Variants in PTPRA observed in about 807,000 individuals in gnomAD.
The protein encoded by PTPRA is receptor-type tyrosine-protein phosphatase alpha.
In PTPRA, 25 loss-of-function variants were observed where a neutral mutation model predicts 104.8. The ratio of observed to expected loss-of-function variants is 0.24; its 90% CI spans 0.17 to 0.33. PTPRA has a LOEUF of 0.33. Among genes scored for constraint, PTPRA ranks in the 10% least tolerant of loss-of-function variants. PTPRA has a pLI of 1.00. For synonymous variants in PTPRA, 323 were observed against 368.9 expected, an observed-to-expected ratio of 0.88 and a Z score of 1.43; for missense variants, 765 against 1,015.3, an observed-to-expected ratio of 0.75 and a Z score of 3.35.
chr20:2,900,391 C>G (rs769015456), intron 1 of PTPRA, among the ~76,000 whole-genome samples: 3 of 152,146 alleles, frequency 2.0e-5, no homozygotes, highest in Non-Finnish European at 2.9e-5. Flanking sequence ...CCCAGCCCCA[C>G]TGAATGAGCT....
At chr20:2,968,668 C>A (rs1405195778) in intron 5 of PTPRA, among the ~76,000 whole-genome samples, 1 of 152,154 alleles carries the variant, frequency 6.6e-6, no homozygotes, top group East Asian at 1.9e-4. Context: ...AATTCCAGCA[C>A]TTTGGGAGGC....
At chr20:2,871,020 T>C, upstream of PTPRA, among the ~76,000 whole-genome samples, 1 of 152,156 alleles carries the variant, frequency 6.6e-6, no homozygotes, top group East Asian at 1.9e-4. Context: ...TGGGCAGGTC[T>C]CTACAGGCAG....
Position 2,975,241 on chromosome 20 carries a change from G to C in PTPRA, c.442G>C (p.Asp148His). 10 of 1,595,806 alleles carry C rather than the reference G, an allele frequency of 6.3e-6. No homozygotes were observed. Among genetic ancestry groups the C allele is most frequent in the Non-Finnish European group, 7.7e-6 (9 of 1,165,174 alleles). The stretch of plus-strand genomic sequence containing the variant: ...TAATTCTGACTCGAAGGACAGAAGA[G>C]GTGAGCTGCTCACCTTATATCTGTT... ...SGNSDSKDRR[D>H]ETPIIAVMVA... The change falls in exon 6 of 24, where the codon GAT (aspartate) becomes CAT (histidine). Residue 148 changes from aspartate (D) to histidine (H), a missense_variant and splice_region_variant. Around this residue, in one of 4 missense-constraint regions of PTPRA, gnomAD observed 256 missense variants for 248.9 expected, o/e 1.03. Coordinates refer to ENST00000399903, the MANE Select transcript of PTPRA (RefSeq NM_001385305.1).
At chr20:3,017,467 A>G (rs2064523482) in intron 12 of PTPRA, among the ~76,000 whole-genome samples, 1 of 152,196 alleles carries the variant, frequency 6.6e-6, no homozygotes, top group Non-Finnish European at 1.5e-5. Flanking sequence ...GAAGGAGTAA[A>G]TGCCATATGA....
rs541823113 is a variant in PTPRA at position 2,939,942 on chromosome 20, A to G, written c.-49-8040A>G. Among the ~76,000 whole-genome samples, 7 of 152,314 alleles carry G rather than the reference A, an allele frequency of 4.6e-5. No homozygotes were observed. The East Asian group carries it at 1.3e-3, about 29-fold the overall frequency. On this transcript the variant is annotated intron_variant, in intron 2 of 23. Coordinates refer to ENST00000399903, the MANE Select transcript of PTPRA (RefSeq NM_001385305.1). ...GCCAACATGGTGAAACCCCGTCTCT[A>G]CTAAAAATACAAAAAAAATTAGCCG...
intron 11 of PTPRA, among the ~76,000 whole-genome samples, chr20:3,008,700 G>A (rs1432266786): frequency 7.3e-6 from 1 of 137,894 alleles, no homozygotes; most frequent in Non-Finnish European, 1.5e-5. Context: ...AGACCAGCCT[G>A]ACCAAGATGG....
At chr20:2,942,757 GCTA>G (rs1225040592) in intron 2 of PTPRA, among the ~76,000 whole-genome samples, 2 of 150,574 alleles carry the variant, frequency 1.3e-5, no homozygotes, top group African/African-American at 4.9e-5. Flanking sequence ...ATATAATGTG[GCTA>G]CTACCTAGTA....
At chr20:3,007,233 C>T (rs932595360) in intron 10 of PTPRA, 111 bp from the exon 11 acceptor site, 1 of 1,001,496 alleles carries the variant, frequency 1.0e-6, no homozygotes, top group Non-Finnish European at 1.5e-6. Flanking sequence ...CATCTTTATA[C>T]AAGCGTGAGT....
At chr20:2,995,421 A>G (rs2063359090) in intron 9 of PTPRA, among the ~76,000 whole-genome samples, 1 of 152,042 alleles carries the variant, frequency 6.6e-6, no homozygotes, top group South Asian at 2.1e-4. Flanking sequence ...CCTGGCCAGC[A>G]TTTTACTTTT....
intron 1 of PTPRA, among the ~76,000 whole-genome samples, chr20:2,881,673 G>C (rs2090058623): frequency 6.6e-6 from 1 of 152,122 alleles, no homozygotes. Flanking sequence ...GAACCACCAT[G>C]CCTGGCCAGT....
intron 5 of PTPRA, among the ~76,000 whole-genome samples, chr20:2,965,749 A>T (rs1027026158): frequency 6.6e-6 from 1 of 152,220 alleles, no homozygotes. Context: ...CAGGGGTGGC[A>T]TCAGGCTCTG....
intron 6 of PTPRA, among the ~76,000 whole-genome samples, chr20:2,979,194 G>A (rs2148061439): frequency 6.6e-6 from 1 of 152,230 alleles, no homozygotes; most frequent in African/African-American, 2.4e-5. Flanking sequence ...TGGTTCGTTG[G>A]TTGATTTCAA....
chr20:2,888,703 C>T (rs2058689038), intron 1 of PTPRA, among the ~76,000 whole-genome samples: 1 of 151,986 alleles, frequency 6.6e-6, no homozygotes. Context: ...AGGTAGTTTT[C>T]TCTCCCCCTG....
intron 11 of PTPRA, among the ~76,000 whole-genome samples, chr20:3,008,728 T>TAAAAAAA (rs763235190): frequency 1.6e-5 from 1 of 63,670 alleles, no homozygotes; most frequent in African/African-American, 4.9e-5. Context: ...TCATCTCTAC[T>TAAAAAAA]AAAAAAAAAA....
chr20:2,886,580 C>T (rs1193840959), intron 1 of PTPRA, among the ~76,000 whole-genome samples: 3 of 151,842 alleles, frequency 2.0e-5, no homozygotes, highest in Non-Finnish European at 4.4e-5. Context: ...CACGGTGACT[C>T]ACACCTGTAA....
At chr20:2,983,380 G>A (rs2062766733) in intron 6 of PTPRA, among the ~76,000 whole-genome samples, 1 of 152,086 alleles carries the variant, frequency 6.6e-6, no homozygotes, top group African/African-American at 2.4e-5. Flanking sequence ...AGGATAAGGA[G>A]ATTAGATTTC....
chr20:2,909,304 ACAAAACAGGCCTGGTGCGGTGG>A (rs1282822328), intron 1 of PTPRA, among the ~76,000 whole-genome samples: 1 of 152,042 alleles, frequency 6.6e-6, no homozygotes, highest in African/African-American at 2.4e-5. Context: ...ACAAAACAAA[ACAAAACAGGCCTGGTGCGGTGG>A]CTCATGCTTG....
At position 2,965,036 on chromosome 20, in the gene PTPRA, C is replaced by T. The variant is rs1357262893; in HGVS notation, c.249C>T (p.Asp83=). 1 of 1,614,010 alleles carries T rather than the reference C, an allele frequency of 6.2e-7. No homozygotes were observed. The highest frequency in any genetic ancestry group is 1.3e-5 in the African/African-American group (1 of 74,910). ...ATTTAACCACTGTCAATTCTTCAGA[C>T]TCTGACAATGGGACCACAAGAACAG... The part of the protein sequence containing the change: ...PTYLTTVNSS[D]SDNGTTRTAS... The change falls in exon 5 of 24, where the codon GAC becomes GAT. Residue 83 remains aspartate (D), a synonymous_variant. Transcript: ENST00000399903.
intron 17 of PTPRA, among the ~76,000 whole-genome samples, chr20:3,026,253 T>C (rs930454787): frequency 1.3e-5 from 2 of 152,140 alleles, no homozygotes; most frequent in Non-Finnish European, 2.9e-5. Flanking sequence ...TCTGCATTTC[T>C]AATAAGGTGA....
Sources: allele counts gnomAD v4.1 joint callset (sites outside exome capture counted in the v4.1 genomes callset), GRCh38; gene constraint gnomAD v4.1.1; regional missense constraint gnomAD v4.1.1; transcripts MANE v1.5; gene names NCBI Gene and HGNC (gene_info 2026-07-23, HGNC 2026-07-21).